The following DSG3 variants were observed in gnomAD, a reference collection of about 807,000 sequenced individuals.
DSG3 encodes the protein desmoglein 3.
A neutral mutation model predicts 85.9 loss-of-function variants in DSG3; 63 were observed. The observed-to-expected ratio is 0.73, with a 90% CI of 0.60 to 0.90. The LOEUF (loss-of-function observed/expected upper bound fraction) is 0.90. Ranked by LOEUF, DSG3 falls within the 40% of genes least tolerant of loss-of-function variation. The pLI, the probability that DSG3 is intolerant of heterozygous loss-of-function variation, is 0.00. For synonymous variants in DSG3, 447 were observed against 441.9 expected (o/e 1.01, Z -0.14); for missense variants, 1,220 against 1,219.9 (o/e 1.00, Z 0.00).
At position 31,459,694 on chromosome 18, in the gene DSG3, G is replaced by A. The variant is rs1870641; in HGVS notation, c.518-151G>A. 1.6e-3 allele frequency: 1,132 copies of A among 700,482 alleles called. 9 individuals are homozygous for A. In the African/African-American group the frequency reaches 0.018, roughly 11 times the overall value. 43.4% of individuals were successfully genotyped at this position (700,482 alleles called of 1,614,324 possible). A position where few individuals can be genotyped will look rare whatever the true frequency, so the allele number is the denominator to read the frequency against. ...TACCTGGTTGGGAGAGACAGAAAGA[G>A]GTATCACAAGTGATATACAATTTTT... On this transcript the variant is annotated intron_variant, in intron 5 of 15. Coordinates refer to ENST00000257189, the MANE Select transcript of DSG3 (RefSeq NM_001944.3).
At position 31,476,410 on chromosome 18, in the gene DSG3, T is replaced by C; in HGVS notation, c.*150T>C. 1 of 907,038 alleles carries C rather than the reference T, an allele frequency of 1.1e-6. No individual in the cohort carries two copies. 56.2% of individuals were successfully genotyped at this position (907,038 alleles called of 1,614,324 possible). A position where few individuals can be genotyped will look rare whatever the true frequency, so the allele number is the denominator to read the frequency against. On this transcript the variant is annotated 3_prime_UTR_variant, in exon 16 of 16. Transcript: ENST00000257189. ...TGATCACGATTATAAATTAAATGTT[T>C]GGGTTCATACCCCAAAAGCAATATG...
At chr18:31,451,301 T>A (rs959204800) in intron 1 of DSG3, among the ~76,000 whole-genome samples, 1 of 152,238 alleles carries the variant, frequency 6.6e-6, no homozygotes, top group African/African-American at 2.4e-5. Flanking sequence ...CAATTTGCTA[T>A]ATAACTTTAT....
intron 8 of DSG3, among the ~76,000 whole-genome samples, chr18:31,462,478 A>G (rs186967766): frequency 6.6e-6 from 1 of 152,300 alleles, no homozygotes; most frequent in Non-Finnish European, 1.5e-5. Flanking sequence ...TGAAAGCTGT[A>G]CATGCAGTCC....
At position 31,464,203 on chromosome 18, in the gene DSG3, A is replaced by C; in HGVS notation, c.1092A>C (p.Arg364=). Residue 364 remains arginine (R), a synonymous_variant, in exon 9 of 16, where the codon CGA becomes CGC. Transcript: ENST00000257189. ...ACCAATCAGTTATCTCTCGATACCG[A>C]GTTCAGTCAACCCCAGTCACAATTC... ...EFHQSVISRY[R]VQSTPVTIQV... is the part of the protein sequence containing the mutation. 6.2e-7 allele frequency: 1 copy of C among 1,614,158 alleles called. No homozygotes were observed. The highest frequency in any genetic ancestry group is 8.5e-7 in the Non-Finnish European group (1 of 1,180,014).
rs901828668 is a variant in DSG3, at chr18:31,457,002, C to A, written c.94C>A (p.Gln32Lys). Residue 32 changes from glutamine (Q) to lysine (K), a missense_variant, in exon 3 of 16, where the codon CAA becomes AAA. Physicochemically the swap from Gln to Lys is moderately conservative, Grantham distance 53 (BLOSUM62 1). Coordinates refer to ENST00000257189, the MANE Select transcript of DSG3 (RefSeq NM_001944.3). ...HGELRIETKG[Q>K]YDEEEMTMQQ... ...TCCCTTTTTACATAAGACTAAAGGT[C>A]AATATGATGAAGAAGAGATGACTAT... 2.5e-6 allele frequency: 4 copies of A among 1,606,658 alleles called. No individual in the cohort carries two copies. The highest frequency in any genetic ancestry group is 3.4e-6 in the Non-Finnish European group (4 of 1,177,598).
rs183612730 is a variant in DSG3 at position 31,456,646 on chromosome 18, C to T, written c.84+171C>T. Among the ~76,000 whole-genome samples the T allele has an allele frequency of 3.4e-3, 518 of 152,058 alleles. 4 individuals carry two copies. Among genetic ancestry groups the T allele is most frequent in the Non-Finnish European group, 5.9e-3 (404 of 67,970 alleles). ...CTGATAACAATATTTTAAAACTAGTCATCCATAAATGTCATTATTATAATT... is the reference window on the plus strand; with the variant it reads ...CTGATAACAATATTTTAAAACTAGTTATCCATAAATGTCATTATTATAATT... On this transcript the variant is annotated intron_variant, in intron 2 of 15. Transcript: ENST00000257189.
rs549809436 is a variant in DSG3, at chr18:31,462,472, A to G, written c.999+1060A>G. Among the ~76,000 whole-genome samples, 42 of 152,278 alleles carry G rather than the reference A, an allele frequency of 2.8e-4. No homozygotes were observed. The South Asian group carries it at 6.2e-3, about 23-fold the overall frequency. ...ATCCTTTAACAAGGGGGCTGCTGAA[A>G]GCTGTACATGCAGTCCTTTGTTACT... On this transcript the variant is annotated intron_variant, in intron 8 of 15. Transcript: ENST00000257189.
At chr18:31,461,513 A>C in intron 8 of DSG3, 101 bp downstream of exon 8, 1 of 1,114,918 alleles carries the variant, frequency 9.0e-7, no homozygotes, top group Non-Finnish European at 1.3e-6. Context: ...TCACTTTATT[A>C]CAGAAAACAC....
chr18:31,452,109 G>A (rs1361663867), intron 1 of DSG3, among the ~76,000 whole-genome samples: 1 of 152,164 alleles, frequency 6.6e-6, no homozygotes, highest in African/African-American at 2.4e-5. Context: ...CATTACTCAA[G>A]GAGCAACCTA....
At chr18:31,472,622 TTGTAA>T in intron 13 of DSG3, 98 bp from the exon 14 acceptor site, 2 of 1,348,880 alleles carry the variant, frequency 1.5e-6, no homozygotes, top group South Asian at 1.3e-5. Flanking sequence ...TTTGCACTTC[TTGTAA>T]TGTTATCATT....
At chr18:31,471,276 TA>T (rs1027282252) in intron 12 of DSG3, among the ~76,000 whole-genome samples, 3 of 152,036 alleles carry the variant, frequency 2.0e-5, no homozygotes, top group African/African-American at 7.2e-5. Context: ...ACTTAAACCC[TA>T]AAAAAATAGT....
chr18:31,472,481 A>C (rs2072862167), intron 13 of DSG3, 58 bp downstream of exon 13: 1 of 1,560,330 alleles, frequency 6.4e-7, no homozygotes, highest in African/African-American at 1.4e-5. Context: ...TGTTTGATTT[A>C]CATTGAGATA....
At chr18:31,457,589 T>TTTC (rs2072755585) in intron 3 of DSG3, among the ~76,000 whole-genome samples, 7 of 36,640 alleles carry the variant, frequency 1.9e-4, no homozygotes, top group Admixed American at 7.6e-4. Context: ...TTCTTTCTTC[T>TTTC]TTCTTTCTTT....
At chr18:31,473,476 T>G (rs374019463) in intron 14 of DSG3, among the ~76,000 whole-genome samples, 44 of 152,226 alleles carry the variant, frequency 2.9e-4, no homozygotes, top group African/African-American at 9.4e-4. Flanking sequence ...TTCCATAGAT[T>G]GTTTTCAAGT....
At chr18:31,457,323 A>AAAAGAATTGAGAC (rs1159347111) in intron 3 of DSG3, among the ~76,000 whole-genome samples, 199 bp downstream of exon 3, 3 of 152,146 alleles carry the variant, frequency 2.0e-5, no homozygotes, top group African/African-American at 7.2e-5. Context: ...AGGGTTATGA[A>AAAAGAATTGAGAC]AAAGAATTGA....
intron 10 of DSG3, 84 bp downstream of exon 10, chr18:31,465,541 A>G: frequency 3.3e-6 from 4 of 1,211,516 alleles, no homozygotes; most frequent in Non-Finnish European, 4.3e-6. Flanking sequence ...ATTATTCAAC[A>G]TATTATCTTT....
chr18:31,447,924 T>A lies in DSG3; in HGVS notation c.47T>A (p.Val16Glu). 1.3e-6 allele frequency: 2 copies of A among 1,582,252 alleles called. No individual in the cohort carries two copies. The highest frequency in any genetic ancestry group is 1.7e-6 in the Non-Finnish European group (2 of 1,166,294). The change falls in exon 1 of 16, where the codon GTG becomes GAG. Residue 16 changes from valine (V) to glutamate (E), a missense_variant and splice_region_variant. Physicochemically the swap from Val to Glu is moderately radical, Grantham distance 121. Transcript: ENST00000257189. ...ACTACAGGGGCTCTGGCCATCTTCG[T>A]GGTAAGTCCTGGATTTTCCTAATAA... ...PRTTGALAIF[V>E]VVILVHGELR... is the part of the protein sequence containing the mutation.
At chr18:31,454,050 T>C (rs1175170459) in intron 1 of DSG3, among the ~76,000 whole-genome samples, 3 of 152,192 alleles carry the variant, frequency 2.0e-5, no homozygotes, top group Admixed American at 6.5e-5. Flanking sequence ...AAAAAAATAC[T>C]ATTCTAAATA....
chr18:31,455,426 G>C (rs2072736430), intron 1 of DSG3, among the ~76,000 whole-genome samples: 2 of 152,024 alleles, frequency 1.3e-5, no homozygotes, highest in African/African-American at 4.8e-5. Context: ...TAATAGCACT[G>C]AACTGGAAAG....
Sources: allele counts gnomAD v4.1 joint callset (sites outside exome capture counted in the v4.1 genomes callset), GRCh38; gene constraint gnomAD v4.1.1; transcripts MANE v1.5; gene names NCBI Gene and HGNC (gene_info 2026-07-23, HGNC 2026-07-21).